Variants in DCX observed in about 807,000 individuals in gnomAD.
DCX encodes neuronal migration protein doublecortin.
In DCX, 4 loss-of-function variants were observed where a neutral mutation model predicts 20.9. The ratio of observed to expected loss-of-function variants is 0.19; its 90% CI spans 0.09 to 0.44. The LOEUF is 0.44. Ranked by LOEUF, DCX falls within the 20% of genes least tolerant of loss-of-function variation. The pLI, the probability that DCX is intolerant of heterozygous loss-of-function variation, is 0.99. For missense variants in DCX, 133 were observed against 296.9 expected (o/e 0.45, Z 4.06); for synonymous variants, 103 against 111.4 (o/e 0.92, Z 0.47).
intron 5 of DCX, among the ~76,000 whole-genome samples, chrX:111,313,912 TG>T (rs1196583147): frequency 3.5e-5 from 2 of 56,797 alleles, no homozygotes; most frequent in African/African-American, 7.1e-5. Flanking sequence ...GGAGAAAGAG[TG>T]GGGGGGAGGG....
At chrX:111,360,716 T>C (rs760950985) in intron 3 of DCX, among the ~76,000 whole-genome samples, 4 of 110,979 alleles carry the variant, frequency 3.6e-5, no homozygotes, top group Non-Finnish European at 5.7e-5. Flanking sequence ...CATAAATATA[T>C]ATAACTACTC....
intron 6 of DCX, among the ~76,000 whole-genome samples, chrX:111,305,259 G>A (rs771407962): frequency 7.2e-5 from 8 of 111,275 alleles, no homozygotes; most frequent in African/African-American, 1.6e-4. Context: ...TAGTAAATGC[G>A]TAAGTAAACA....
At chrX:111,379,811 C>G (rs896361482) in intron 3 of DCX, among the ~76,000 whole-genome samples, 2 of 111,719 alleles carry the variant, frequency 1.8e-5, no homozygotes, top group Non-Finnish European at 3.8e-5. Flanking sequence ...TATATTCCCA[C>G]CACCAGTGCA....
intron 3 of DCX, among the ~76,000 whole-genome samples, chrX:111,386,008 G>A (rs1026839084): frequency 1.8e-5 from 2 of 111,102 alleles, no homozygotes; most frequent in Admixed American, 9.6e-5. Context: ...TAGAATCTTC[G>A]TGTTTATGCT....
At chrX:111,369,692 G>A (rs1198663174) in intron 3 of DCX, among the ~76,000 whole-genome samples, 1 of 111,756 alleles carries the variant, frequency 8.9e-6, no homozygotes, top group East Asian at 2.8e-4. Flanking sequence ...AAGGTAGTGG[G>A]CAGAGATACA....
chrX:111,304,439 C>T (rs1305466037), intron 6 of DCX, among the ~76,000 whole-genome samples: 1 of 111,550 alleles, frequency 9.0e-6, no homozygotes, highest in African/African-American at 3.3e-5. Flanking sequence ...TCCATTTTTC[C>T]TCTCCCCAGC....
At chrX:111,339,455 A>G (rs1249756047) in intron 3 of DCX, among the ~76,000 whole-genome samples, 1 of 111,387 alleles carries the variant, frequency 9.0e-6, no homozygotes, top group African/African-American at 3.3e-5. Flanking sequence ...GATGCCCTAT[A>G]CCACCTCAGA....
At chrX:111,349,264 A>T in intron 3 of DCX, among the ~76,000 whole-genome samples, 1 of 111,404 alleles carries the variant, frequency 9.0e-6, no homozygotes, top group South Asian at 3.8e-4. Context: ...GAGCAGTGAC[A>T]CCCGGGCCAG....
chrX:111,317,736 A>G (rs1400439535), intron 5 of DCX, among the ~76,000 whole-genome samples: 2 of 112,006 alleles, frequency 1.8e-5, no homozygotes, highest in Non-Finnish European at 3.8e-5. Context: ...ACCCCATTAA[A>G]AAGTGGGCAA....
intron 5 of DCX, 128 bp downstream of exon 5, chrX:111,330,776 C>T: frequency 1.0e-6 from 1 of 997,662 alleles, no homozygotes; most frequent in South Asian, 1.9e-5. Context: ...TGTTTTAGTC[C>T]CTGAATTGAT....
intron 3 of DCX, among the ~76,000 whole-genome samples, chrX:111,351,934 A>G (rs764245750): frequency 1.5e-4 from 17 of 111,717 alleles, no homozygotes; most frequent in African/African-American, 4.9e-4. Context: ...TATGTTGCCC[A>G]GGCTGGTCTG....
At chrX:111,407,267 G>A (rs1430274092) in intron 2 of DCX, among the ~76,000 whole-genome samples, 4 of 111,964 alleles carry the variant, frequency 3.6e-5, no homozygotes, top group Non-Finnish European at 5.6e-5. Context: ...CCAAATCTGA[G>A]TCCAAAGACT....
chrX:111,402,818 T>C (rs949021832), intron 2 of DCX, among the ~76,000 whole-genome samples: 4 of 67,469 alleles, frequency 5.9e-5, no homozygotes, highest in African/African-American at 1.8e-4. Context: ...TGTGTGTGTG[T>C]GTGCGGAGGG....
intron 5 of DCX, among the ~76,000 whole-genome samples, chrX:111,314,106 A>G (rs1356551973): frequency 8.9e-6 from 1 of 111,856 alleles, no homozygotes; most frequent in Non-Finnish European, 1.9e-5. Context: ...TCAACTGTAG[A>G]GATGGAAGAG....
At chrX:111,310,210 T>C (rs1047932342) in intron 6 of DCX, among the ~76,000 whole-genome samples, 1 of 111,383 alleles carries the variant, frequency 9.0e-6, no homozygotes, top group Non-Finnish European at 1.9e-5. Flanking sequence ...CTGGTGCCTG[T>C]AGTCCCAGCT....
At chrX:111,339,487 A>G (rs746491835) in intron 3 of DCX, among the ~76,000 whole-genome samples, 5 of 111,957 alleles carry the variant, frequency 4.5e-5, no homozygotes, top group African/African-American at 1.3e-4. Context: ...AGTCCCTACC[A>G]GCAAGAAGGC....
intron 3 of DCX, among the ~76,000 whole-genome samples, chrX:111,376,805 G>A: frequency 9.0e-6 from 1 of 111,638 alleles, no homozygotes; most frequent in East Asian, 2.8e-4. Flanking sequence ...ACCTCTGTTC[G>A]CGTTTCTATT....
chrX:111,344,270 A>G lies in DCX; in HGVS notation c.706-11117T>C, dbSNP rs182632250. ...AGTGAGAACAATTTATAACAAACCCACAGCCAATATCAAATTAAATGGGCA... is the reference window on the plus strand; with the variant it reads ...AGTGAGAACAATTTATAACAAACCCGCAGCCAATATCAAATTAAATGGGCA... On this transcript the variant is annotated intron_variant, in intron 3 of 6. Transcript: ENST00000636035. Among the ~76,000 whole-genome samples the G allele has an allele frequency of 4.7e-3, 527 of 112,122 alleles. 1 individual carries two copies. Among genetic ancestry groups the G allele is most frequent in the African/African-American group, 0.016 (503 of 30,890 alleles).
At chrX:111,396,929 C>G (rs934898057) in intron 3 of DCX, among the ~76,000 whole-genome samples, 18 of 111,273 alleles carry the variant, frequency 1.6e-4, no homozygotes, top group African/African-American at 5.2e-4. Flanking sequence ...TGGTGGTTGG[C>G]TTTCCTGTCT....
Sources: allele counts gnomAD v4.1 joint callset (sites outside exome capture counted in the v4.1 genomes callset), GRCh38; gene constraint gnomAD v4.1.1; transcripts MANE v1.5; gene names NCBI Gene and HGNC (gene_info 2026-07-23, HGNC 2026-07-21).